Variants in C1GALT1 observed in about 807,000 individuals in gnomAD.
The protein encoded by C1GALT1 is core 1 synthase, glycoprotein-N-acetylgalactosamine 3-beta-galactosyltransferase 1.
In C1GALT1, 11 loss-of-function variants were observed where a neutral mutation model predicts 31.0. The ratio of observed to expected loss-of-function variants is 0.36; its 90% CI spans 0.22 to 0.59. C1GALT1 has a LOEUF of 0.59. Among genes scored for constraint, C1GALT1 ranks in the 20% least tolerant of loss-of-function variants. The pLI is 0.79. For synonymous variants in C1GALT1, 175 were observed against 143.6 expected (o/e 1.22, Z -1.56); for missense variants, 424 against 425.2 (o/e 1.00, Z 0.03).
intron 3 of C1GALT1, 170 bp downstream of exon 3, chr7:7,239,092 A>G: frequency 3.3e-6 from 2 of 601,888 alleles, no homozygotes; most frequent in Non-Finnish European, 5.7e-6. Context: ...GGACATCAGC[A>G]ATCAGCAGTA....
intron 1 of C1GALT1, among the ~76,000 whole-genome samples, chr7:7,202,329 GTC>G (rs891453869): frequency 3.9e-5 from 6 of 152,172 alleles, no homozygotes; most frequent in African/African-American, 1.4e-4. Flanking sequence ...TACTCGGTGT[GTC>G]TGAGTGGGAG....
At chr7:7,227,818 T>G (rs1356905698) in intron 1 of C1GALT1, among the ~76,000 whole-genome samples, 1 of 152,094 alleles carries the variant, frequency 6.6e-6, no homozygotes, top group African/African-American at 2.4e-5. Context: ...TCAAGACTCT[T>G]CAGAGGAGAG....
At chr7:7,224,898 C>T (rs375806779) in intron 1 of C1GALT1, among the ~76,000 whole-genome samples, 6 of 151,894 alleles carry the variant, frequency 4.0e-5, no homozygotes, top group African/African-American at 1.2e-4. Flanking sequence ...GTGTATTAAG[C>T]GTATTTAAGT....
At position 7,246,762 on chromosome 7, in the gene C1GALT1, C is replaced by G. The variant is rs1783863617; in HGVS notation, c.*3035C>G. ...AGTTTGAGAACCAATACCCAACAAC[C>G]TACGTGATTTTGGTGCAAGTAGTGT... On this transcript the variant is annotated 3_prime_UTR_variant, in exon 4 of 4. Coordinates refer to ENST00000436587, the MANE Select transcript of C1GALT1 (RefSeq NM_020156.5). The G allele has an allele frequency of 6.6e-6, 1 of 152,184 alleles. No homozygotes were observed. The highest frequency in any genetic ancestry group is 1.5e-5 in the Non-Finnish European group (1 of 68,058). The allele number at this position is 152,184 out of a possible 1,614,324, so 9.4% of individuals were successfully genotyped here.
intron 1 of C1GALT1, among the ~76,000 whole-genome samples, chr7:7,227,392 G>A (rs1017956616): frequency 2.0e-5 from 3 of 152,140 alleles, no homozygotes; most frequent in Non-Finnish European, 1.5e-5. Context: ...ATAACTTAAT[G>A]GGTTATCATG....
chr7:7,237,157 T>G (rs1005451594), intron 2 of C1GALT1, among the ~76,000 whole-genome samples: 2 of 152,252 alleles, frequency 1.3e-5, no homozygotes, highest in African/African-American at 4.8e-5. Context: ...TTTATTTTTC[T>G]TATAATTCAT....
chr7:7,189,178 CTCTA>C (rs1162827725), intron 1 of C1GALT1, among the ~76,000 whole-genome samples: 4 of 152,166 alleles, frequency 2.6e-5, no homozygotes, highest in Non-Finnish European at 5.9e-5. Context: ...TATGCTATGG[CTCTA>C]TCTTTTTTTT....
At position 7,234,517 on chromosome 7, in the gene C1GALT1, T is replaced by C; in HGVS notation, c.198T>C (p.Asn66=). 1 of 1,611,756 alleles carries C rather than the reference T, an allele frequency of 6.2e-7. No individual in the cohort carries two copies. Residue 66 remains asparagine, a synonymous_variant, in exon 2 of 4, where the codon AAT becomes AAC. Coordinates refer to ENST00000436587, the MANE Select transcript of C1GALT1 (RefSeq NM_020156.5). ...QNHLEGQMNF[N]ADSSQHKDEN... ...ATCTAGAAGGACAAATGAACTTCAATGCAGATTCTAGCCAACATAAAGGTA... is the reference window on the plus strand; with the variant it reads ...ATCTAGAAGGACAAATGAACTTCAACGCAGATTCTAGCCAACATAAAGGTA...
At chr7:7,176,423 C>T (rs1400218639) in intron 2 of C1GALT1, among the ~76,000 whole-genome samples, 2 of 152,196 alleles carry the variant, frequency 1.3e-5, no homozygotes, top group African/African-American at 4.8e-5. Flanking sequence ...TCAACTATTT[C>T]ACTTACAACA....
intron 1 of C1GALT1, among the ~76,000 whole-genome samples, chr7:7,231,447 C>G (rs1187473390): frequency 6.6e-6 from 1 of 152,158 alleles, no homozygotes; most frequent in African/African-American, 2.4e-5. Context: ...CCAGTTAACA[C>G]TTACATTAGA....
chr7:7,209,899 G>A (rs1227357617), intron 1 of C1GALT1, among the ~76,000 whole-genome samples: 8 of 152,148 alleles, frequency 5.3e-5, no homozygotes, highest in African/African-American at 9.7e-5. Flanking sequence ...ATTTGGGTAG[G>A]TAGTGGAAAA....
At chr7:7,227,652 G>A (rs1387324333) in intron 1 of C1GALT1, among the ~76,000 whole-genome samples, 13 of 150,814 alleles carry the variant, frequency 8.6e-5, no homozygotes, top group South Asian at 2.1e-4. Context: ...CCCGGGAGGC[G>A]GAGCTTGCAG....
chr7:7,185,310 G>C (rs942867140), intron 1 of C1GALT1, among the ~76,000 whole-genome samples: 13 of 152,154 alleles, frequency 8.5e-5, no homozygotes, highest in African/African-American at 2.9e-4. Flanking sequence ...GCTAGATGTT[G>C]GATAATAGGC....
At chr7:7,166,039 C>T (rs1780389077) in intron 2 of C1GALT1, among the ~76,000 whole-genome samples, 1 of 152,142 alleles carries the variant, frequency 6.6e-6, no homozygotes, top group South Asian at 2.1e-4. Context: ...CTTCTGGTCC[C>T]AGGCACTTGA....
intron 1 of C1GALT1, among the ~76,000 whole-genome samples, chr7:7,224,666 C>G (rs911675373): frequency 2.6e-5 from 4 of 152,078 alleles, no homozygotes; most frequent in African/African-American, 9.7e-5. Context: ...TTGGTATCTG[C>G]AGGGTCAATA....
At chr7:7,176,522 T>A (rs1245410558) in intron 2 of C1GALT1, among the ~76,000 whole-genome samples, 4 of 152,008 alleles carry the variant, frequency 2.6e-5, no homozygotes, top group Non-Finnish European at 5.9e-5. Context: ...GAACAAAGAG[T>A]AACCCCAGGG....
At chr7:7,199,444 T>A (rs972500785) in intron 1 of C1GALT1, among the ~76,000 whole-genome samples, 3 of 152,094 alleles carry the variant, frequency 2.0e-5, no homozygotes, top group Non-Finnish European at 2.9e-5. Context: ...TGCTGAGGAG[T>A]GCTTTACTTC....
At chr7:7,159,460 C>G (rs150334232) in intron 2 of C1GALT1, among the ~76,000 whole-genome samples, 3,141 of 151,914 alleles carry the variant, frequency 0.021, 100 homozygotes, top group African/African-American at 0.071. Flanking sequence ...TAGAGTGGAA[C>G]AGAAATAGAA....
At chr7:7,240,560 A>C (rs572381100) in intron 3 of C1GALT1, among the ~76,000 whole-genome samples, 61 of 152,200 alleles carry the variant, frequency 4.0e-4, no homozygotes, top group Admixed American at 1.4e-3. Flanking sequence ...CAAGAATATA[A>C]ACATGTAGCA....
Sources: gnomAD v4.1 joint callset for allele counts (sites outside exome capture counted in the v4.1 genomes callset) on GRCh38, gnomAD v4.1.1 for gene constraint, MANE v1.5 for transcripts, NCBI Gene and HGNC (gene_info 2026-07-23, HGNC 2026-07-21) for gene names.